CNR2: variants seen among roughly 807,000 people sequenced by gnomAD.
The protein encoded by CNR2 is cannabinoid receptor 2 (macrophage).
For synonymous variants in CNR2, 172 were observed against 182.2 expected (o/e 0.94, Z 0.45); for missense variants, 379 against 439.9 (o/e 0.86, Z 1.24).
intron 1 of CNR2, among the ~76,000 whole-genome samples, chr1:23,903,994 C>T (rs1160306125): frequency 6.6e-6 from 1 of 152,136 alleles, no homozygotes; most frequent in Non-Finnish European, 1.5e-5. Flanking sequence ...GGACTTCTCT[C>T]TAATCTTTCT....
At chr1:23,884,955 T>C (rs1333161673) in intron 1 of CNR2, among the ~76,000 whole-genome samples, 1 of 152,126 alleles carries the variant, frequency 6.6e-6, no homozygotes, top group Non-Finnish European at 1.5e-5. Context: ...CGTCTGCCAC[T>C]GTGCCTGGCT....
At chr1:23,911,859 G>T (rs1640592423) in intron 1 of CNR2, among the ~76,000 whole-genome samples, 1 of 152,142 alleles carries the variant, frequency 6.6e-6, no homozygotes, top group Non-Finnish European at 1.5e-5. Context: ...CTGGGGCCAG[G>T]ATTATTGGGA....
intron 1 of CNR2, among the ~76,000 whole-genome samples, chr1:23,899,908 A>AGG (rs1553142286): frequency 8.5e-4 from 2 of 2,346 alleles, no homozygotes; most frequent in African/African-American, 1.1e-3. Context: ...AGAAAGAAAG[A>AGG]GAAAGAAAGA....
chr1:23,880,914 A>C (rs1639973984), intron 1 of CNR2, among the ~76,000 whole-genome samples: 1 of 149,664 alleles, frequency 6.7e-6, no homozygotes. Context: ...TATAATTATA[A>C]ATATAAATTA....
chr1:23,912,812 C>T (rs910742811), intron 1 of CNR2, among the ~76,000 whole-genome samples: 1 of 152,186 alleles, frequency 6.6e-6, no homozygotes, highest in South Asian at 2.1e-4. Context: ...TGACATCTAT[C>T]CCCTGCCCCA....
At chr1:23,906,409 G>A (rs76494519) in intron 1 of CNR2, among the ~76,000 whole-genome samples, 2,014 of 151,702 alleles carry the variant, frequency 0.013, 48 homozygotes, top group African/African-American at 0.046. Flanking sequence ...GAAACTACTC[G>A]AGCCATTTCA....
At position 23,874,135 on chromosome 1, in the gene CNR2, A is replaced by T. The variant is rs1639818707; in HGVS notation, c.*400T>A. On this transcript the variant is annotated 3_prime_UTR_variant, in exon 2 of 2. Coordinates refer to ENST00000374472, the MANE Select transcript of CNR2 (RefSeq NM_001841.3). ...AGGCAGAGAGAAGACCTGGATGTCC[A>T]TCCCATCTGATACCCTGACTTCCCA... 1 of 181,034 alleles carries T rather than the reference A, an allele frequency of 5.5e-6. No homozygotes were observed. Among genetic ancestry groups the T allele is most frequent in the South Asian group, 1.2e-4 (1 of 8,012 alleles). The allele number at this position is 181,034 out of a possible 1,614,324, so 11.2% of individuals were successfully genotyped here. A position where few individuals can be genotyped will look rare whatever the true frequency, so the allele number is the denominator to read the frequency against.
rs141917792 is a variant in CNR2, at chr1:23,888,727, T to C, written c.-45-13065A>G. 6.0e-3 allele frequency among the ~76,000 whole-genome samples: 908 copies of C among 152,168 alleles called. 10 individuals are homozygous for C. Among genetic ancestry groups the C allele is most frequent in the African/African-American group, 0.021 (868 of 41,504 alleles). ...GGCTCACGCCTGTAATCCCAGCACTTTGGGAGGCCGAGGAGGGCAGATCAC... is the reference window on the plus strand; with the variant it reads ...GGCTCACGCCTGTAATCCCAGCACTCTGGGAGGCCGAGGAGGGCAGATCAC... On this transcript the variant is annotated intron_variant, in intron 1 of 1. Transcript: ENST00000374472.
chr1:23,908,308 T>A (rs926951929), intron 1 of CNR2, among the ~76,000 whole-genome samples: 1 of 152,058 alleles, frequency 6.6e-6, no homozygotes, highest in Non-Finnish European at 1.5e-5. Flanking sequence ...TTTATTTTAT[T>A]TTTGAGATAG....
intron 1 of CNR2, among the ~76,000 whole-genome samples, chr1:23,909,117 G>T: frequency 6.6e-6 from 1 of 151,998 alleles, no homozygotes; most frequent in Non-Finnish European, 1.5e-5. Context: ...GACTGGATGG[G>T]GCCCCAGCAG....
At position 23,871,348 on chromosome 1, in the gene CNR2, G is replaced by A. The variant is rs1001104025; in HGVS notation, c.*3187C>T. On this transcript the variant is annotated 3_prime_UTR_variant, in exon 2 of 2. Coordinates refer to ENST00000374472, the MANE Select transcript of CNR2 (RefSeq NM_001841.3). ...TGCCAAAATGAGAAAGGATTCCACC[G>A]ATGAATAAAGAAAGGCATGCTTCAA... The A allele has an allele frequency of 1.3e-5, 2 of 152,080 alleles. No individual in the cohort carries two copies. Among genetic ancestry groups the A allele is most frequent in the East Asian group, 1.9e-4 (1 of 5,198 alleles). 9.4% of individuals were successfully genotyped at this position (152,080 alleles called of 1,614,324 possible).
chr1:23,877,374 G>A (rs1203864485), intron 1 of CNR2, among the ~76,000 whole-genome samples: 1 of 151,780 alleles, frequency 6.6e-6, no homozygotes, highest in Admixed American at 6.6e-5. Context: ...GGTGGCTCAC[G>A]CCTGTAATCC....
chr1:23,902,517 A>G, intron 1 of CNR2: 2 of 1,608,532 alleles, frequency 1.2e-6, no homozygotes, highest in Admixed American at 1.7e-5. Flanking sequence ...GTACTTTAAT[A>G]GGATCAGAAA....
rs1640066785 is a variant in CNR2, at chr1:23,885,231, C to G, written c.-45-9569G>C. Among the ~76,000 whole-genome samples the G allele has an allele frequency of 2.0e-5, 3 of 151,222 alleles. No homozygotes were observed. The South Asian group carries it at 6.3e-4, about 32-fold the overall frequency. On this transcript the variant is annotated intron_variant, in intron 1 of 1. Coordinates refer to ENST00000374472, the MANE Select transcript of CNR2 (RefSeq NM_001841.3). The stretch of plus-strand genomic sequence containing the variant: ...AGTGAGCTATGGTCATGCTACTGCA[C>G]TCCAGCCTGGTTGACAGAGAAAGAC...
chr1:23,913,104 TGAGCCGA>T (rs1445981180), intron 1 of CNR2, 135 bp downstream of exon 1: 1 of 158,150 alleles, frequency 6.3e-6, no homozygotes, highest in African/African-American at 2.4e-5. Context: ...GAGGCTGCAC[TGAGCCGA>T]GATTGTGCCA....
chr1:23,882,433 T>A (rs541534269), intron 1 of CNR2, among the ~76,000 whole-genome samples: 1 of 152,284 alleles, frequency 6.6e-6, no homozygotes, highest in Admixed American at 6.5e-5. Context: ...ATACTTGGCA[T>A]TGAATGACTA....
At chr1:23,881,714 C>T (rs561631598) in intron 1 of CNR2, among the ~76,000 whole-genome samples, 29 of 151,406 alleles carry the variant, frequency 1.9e-4, no homozygotes, top group African/African-American at 6.8e-4. Context: ...CGTGAAGAAA[C>T]CTCGTCTCTA....
rs1276524707 is a variant in CNR2 at position 23,899,024 on chromosome 1, G to A, written c.-46+14222C>T. Among the ~76,000 whole-genome samples the A allele has an allele frequency of 3.3e-5, 5 of 152,012 alleles. 1 individual carries two copies. The South Asian group carries it at 1.0e-3, about 32-fold the overall frequency. On this transcript the variant is annotated intron_variant, in intron 1 of 1. Transcript: ENST00000374472. ...CAAATAATAATTGTATATATTTATG[G>A]AATACAATGTGATATTATGATACAC...
In CNR2 at chr1:23,871,084, C is replaced by A. The variant is rs1422292406; in HGVS notation, c.*3451G>T. On this transcript the variant is annotated 3_prime_UTR_variant, in exon 2 of 2. Coordinates refer to ENST00000374472, the MANE Select transcript of CNR2 (RefSeq NM_001841.3). ...AGGAGAACTGCTTGAACCCAGGAGG[C>A]AGAGGTTGCAGTGAGCCAAGATTGC... 1 of 140,060 alleles carries A rather than the reference C, an allele frequency of 7.1e-6. No homozygotes were observed. The highest frequency in any genetic ancestry group is 2.7e-5 in the African/African-American group (1 of 37,550). The allele number at this position is 140,060 out of a possible 1,614,324, so 8.7% of individuals were successfully genotyped here. A position where few individuals can be genotyped will look rare whatever the true frequency, so the allele number is the denominator to read the frequency against.
Sources: gnomAD v4.1 joint callset for allele counts (sites outside exome capture counted in the v4.1 genomes callset) on GRCh38, gnomAD v4.1.1 for gene constraint, MANE v1.5 for transcripts, NCBI Gene and HGNC (gene_info 2026-07-23, HGNC 2026-07-21) for gene names.